IGSF9B: variants seen among roughly 807,000 people sequenced by gnomAD.
IGSF9B encodes immunoglobulin superfamily member 9B.
Under a neutral mutation model 143.7 loss-of-function variants are expected in IGSF9B, and 48 were observed. That is an observed-to-expected ratio of 0.33 (90% CI 0.26 to 0.42). The LOEUF is 0.42. Among genes scored for constraint, IGSF9B ranks in the 20% least tolerant of loss-of-function variants. The pLI, the probability that IGSF9B is intolerant of heterozygous loss-of-function variation, is 1.00. For missense variants in IGSF9B, 1,706 were observed against 1,980.0 expected (o/e 0.86, Z 2.63); for synonymous variants, 903 against 833.1 (o/e 1.08, Z -1.44).
At position 133,896,640 on chromosome 11, in the gene IGSF9B, T is replaced by A. The variant is rs1939022106; in HGVS notation, c.*12429A>T. 6.6e-6 allele frequency: 1 copy of A among 152,246 alleles called. No homozygotes were observed. Among genetic ancestry groups the A allele is most frequent in the Non-Finnish European group, 1.5e-5 (1 of 68,046 alleles). The allele number at this position is 152,246 out of a possible 1,614,324, so 9.4% of individuals were successfully genotyped here. A position where few individuals can be genotyped will look rare whatever the true frequency, so the allele number is the denominator to read the frequency against. On this transcript the variant is annotated 3_prime_UTR_variant, in exon 20 of 20. Coordinates refer to ENST00000533871, the MANE Select transcript of IGSF9B (RefSeq NM_001277285.4). The stretch of plus-strand genomic sequence containing the variant: ...TGCTTATGCACGTGTTTGCTCATTT[T>A]GATTTGTAATTCAGGATATGAACAT...
At chr11:133,954,608 C>T (rs1940218147) in intron 1 of IGSF9B, among the ~76,000 whole-genome samples, 1 of 152,112 alleles carries the variant, frequency 6.6e-6, no homozygotes, top group Non-Finnish European at 1.5e-5. Flanking sequence ...ACCTAAAAAC[C>T]CTAAAAGTAC....
At chr11:133,930,582 A>C (rs11223626) in intron 11 of IGSF9B, among the ~76,000 whole-genome samples, 35,128 of 152,144 alleles carry the variant, frequency 0.23, 5,105 homozygotes, top group Non-Finnish European at 0.33. Context: ...TCCGCACGCC[A>C]GGCCTGGCCT....
intron 11 of IGSF9B, 45 bp downstream of exon 11, chr11:133,930,939 C>G (rs1939714601): frequency 2.6e-6 from 4 of 1,549,764 alleles, no homozygotes; most frequent in Admixed American, 1.9e-5. Flanking sequence ...CCCCAGCCAG[C>G]CTGCTCTGTC....
At chr11:133,934,099 C>T (rs951879759) in intron 7 of IGSF9B, among the ~76,000 whole-genome samples, 1 of 152,084 alleles carries the variant, frequency 6.6e-6, no homozygotes, top group African/African-American at 2.4e-5. Context: ...TCTCAACCCC[C>T]TGGATTTTCT....
chr11:133,941,346 G>A (rs1306331820), intron 3 of IGSF9B, among the ~76,000 whole-genome samples: 1 of 152,154 alleles, frequency 6.6e-6, no homozygotes. Flanking sequence ...GAAATAATTG[G>A]GTCTGTTTCC....
intron 15 of IGSF9B, among the ~76,000 whole-genome samples, chr11:133,924,015 C>T (rs1939584224): frequency 6.6e-6 from 1 of 152,140 alleles, no homozygotes; most frequent in Non-Finnish European, 1.5e-5. Flanking sequence ...AGAAATTGCA[C>T]TCCACACCTG....
At chr11:133,916,439 C>T (rs1238445845) in intron 18 of IGSF9B, among the ~76,000 whole-genome samples, 1 of 152,206 alleles carries the variant, frequency 6.6e-6, no homozygotes, top group Non-Finnish European at 1.5e-5. Context: ...AGCATGGAGA[C>T]AGCATCTGAA....
rs1184612150 is a variant in IGSF9B, at chr11:133,908,473, C to T, written c.*596G>A. On this transcript the variant is annotated 3_prime_UTR_variant, in exon 20 of 20. Transcript: ENST00000533871. ...ATCCCCCAAGACAGATGTCAGGCAC[C>T]TGGCCAACGTGCAGCCAGCCCTGCT... is the stretch of plus-strand genomic sequence containing the variant. 6.6e-6 allele frequency: 1 copy of T among 151,988 alleles called. No homozygotes were observed. The highest frequency in any genetic ancestry group is 1.9e-4 in the East Asian group (1 of 5,164). The allele number at this position is 151,988 out of a possible 1,614,324, so 9.4% of individuals were successfully genotyped here. A position where few individuals can be genotyped will look rare whatever the true frequency, so the allele number is the denominator to read the frequency against.
chr11:133,955,905 C>T (rs1187835367), intron 1 of IGSF9B, among the ~76,000 whole-genome samples: 1 of 151,106 alleles, frequency 6.6e-6, no homozygotes, highest in Admixed American at 6.6e-5. Flanking sequence ...CCCCTCCCCT[C>T]CCCCGCCGCC....
rs1373876512 is a variant in IGSF9B, at chr11:133,945,746, A to G, written c.262+315T>C. On this transcript the variant is annotated intron_variant, in intron 2 of 19. Transcript: ENST00000533871. The surrounding 1 kb of genome is among the most constrained non-coding windows in gnomAD (Gnocchi z 4.6). ...CAAGCAGGGAGAGCCGTGCTGGCCC[A>G]GGGCTGCCTGACTCAGTCTGCTGTC... is the stretch of plus-strand genomic sequence containing the variant. Among the ~76,000 whole-genome samples, 1 of 152,132 alleles carries G rather than the reference A, an allele frequency of 6.6e-6. No homozygotes were observed. The highest frequency in any genetic ancestry group is 2.4e-5 in the African/African-American group (1 of 41,444).
intron 7 of IGSF9B, among the ~76,000 whole-genome samples, chr11:133,933,938 CGA>C (rs1043588773): frequency 6.6e-6 from 1 of 150,580 alleles, no homozygotes; most frequent in Non-Finnish European, 1.5e-5. Context: ...AATACCAGGC[CGA>C]GTTATATATT....
In IGSF9B at chr11:133,901,919, C is replaced by T. The variant is rs1014424915; in HGVS notation, c.*7150G>A. The stretch of plus-strand genomic sequence containing the variant: ...CACACACAACACACCACACACAACA[C>T]ACACCAAACCACACAACACACACAC... On this transcript the variant is annotated 3_prime_UTR_variant, in exon 20 of 20. Coordinates refer to ENST00000533871, the MANE Select transcript of IGSF9B (RefSeq NM_001277285.4). Among the ~76,000 whole-genome samples the T allele has an allele frequency of 8.9e-6, 1 of 111,942 alleles. No individual in the cohort carries two copies. The highest frequency in any genetic ancestry group is 3.3e-5 in the African/African-American group (1 of 30,752). 73.4% of individuals were successfully genotyped at this position (111,942 alleles called of 152,430 possible).
At chr11:133,934,173 G>A (rs1939781847) in intron 7 of IGSF9B, among the ~76,000 whole-genome samples, 3 of 152,162 alleles carry the variant, frequency 2.0e-5, no homozygotes, top group Non-Finnish European at 2.9e-5. Context: ...GCGCTGGGGA[G>A]AGACAGGGAA....
At chr11:133,956,043 G>A (rs1940246767) in intron 1 of IGSF9B, among the ~76,000 whole-genome samples, 1 of 151,874 alleles carries the variant, frequency 6.6e-6, no homozygotes, top group Non-Finnish European at 1.5e-5. Flanking sequence ...GGGCCGGCGG[G>A]GTCCAGCCAA....
rs1338457318 is a variant in IGSF9B, at chr11:133,928,248, G to A, written c.1632-1157C>T. Among the ~76,000 whole-genome samples the A allele has an allele frequency of 6.6e-6, 1 of 152,154 alleles. No individual in the cohort carries two copies. Among genetic ancestry groups the A allele is most frequent in the Non-Finnish European group, 1.5e-5 (1 of 68,042 alleles). ...GACACCTAGGCGCTGAGCAGCACCG[G>A]TCTCCCAGCAGCCACCGGGCAGGCT... On this transcript the variant is annotated intron_variant, in intron 12 of 19. Coordinates refer to ENST00000533871, the MANE Select transcript of IGSF9B (RefSeq NM_001277285.4). The surrounding 1 kb of genome is among the most constrained non-coding windows in gnomAD (Gnocchi z 4.7).
intron 5 of IGSF9B, among the ~76,000 whole-genome samples, chr11:133,937,170 G>A (rs1939839931): frequency 6.6e-6 from 1 of 152,182 alleles, no homozygotes; most frequent in South Asian, 2.1e-4. Context: ...GCCACGGCCT[G>A]TGGGCCTGGC....
rs1325169966 is a variant in IGSF9B, at chr11:133,906,937, A to G, written c.*2132T>C. Among the ~76,000 whole-genome samples the G allele has an allele frequency of 2.6e-5, 4 of 152,162 alleles. No homozygotes were observed. The highest frequency in any genetic ancestry group is 4.4e-5 in the Non-Finnish European group (3 of 68,026). On this transcript the variant is annotated 3_prime_UTR_variant, in exon 20 of 20. Transcript: ENST00000533871. ...CGTCATCCCCCAGGAGAGACGCCCA[A>G]GTGAGCAGCACATCACGACGCGGGG... is the stretch of plus-strand genomic sequence containing the variant.
chr11:133,918,167 G>A (rs1035159985), intron 18 of IGSF9B, among the ~76,000 whole-genome samples: 2 of 152,110 alleles, frequency 1.3e-5, no homozygotes, highest in African/African-American at 2.4e-5. Flanking sequence ...GAGGGGACAT[G>A]GTTTGGATCC....
intron 1 of IGSF9B, chr11:133,952,137 T>C (rs1160351472): frequency 2.3e-6 from 1 of 436,524 alleles, no homozygotes; most frequent in Non-Finnish European, 4.7e-6. Context: ...GGAGGCCCCA[T>C]CTCCTGCTTA....
Sources: gnomAD v4.1 joint callset for allele counts (sites outside exome capture counted in the v4.1 genomes callset) on GRCh38, gnomAD v4.1.1 for gene constraint, Gnocchi (gnomAD v3.1) non-coding constraint, MANE v1.5 for transcripts, NCBI Gene and HGNC (gene_info 2026-07-23, HGNC 2026-07-21) for gene names.